The following NEK4 variants were observed in gnomAD, a reference collection of about 807,000 sequenced individuals.
NEK4 encodes the protein NIMA related kinase 4.
Under a neutral mutation model 98.4 loss-of-function variants are expected in NEK4, and 86 were observed. The observed-to-expected ratio is 0.87, with a 90% CI of 0.73 to 1.05. The LOEUF is 1.05. Among genes scored for constraint, NEK4 ranks in the 50% least tolerant of loss-of-function variants. NEK4 has a pLI of 0.00. For missense variants in NEK4, 898 were observed against 950.3 expected (o/e 0.94, Z 0.72); for synonymous variants, 328 against 342.2 (o/e 0.96, Z 0.46).
chr3:52,766,922 C>A (rs1442328711), intron 2 of NEK4, among the ~76,000 whole-genome samples: 1 of 151,898 alleles, frequency 6.6e-6, no homozygotes, highest in African/African-American at 2.4e-5. Flanking sequence ...GGAAGCGGAG[C>A]TTGCAGTGAG....
chr3:52,713,413 A>G (rs2097352191), intron 15 of NEK4, among the ~76,000 whole-genome samples: 1 of 152,196 alleles, frequency 6.6e-6, no homozygotes, highest in South Asian at 2.1e-4. Flanking sequence ...CCTATTCTGC[A>G]CTAACTTTCA....
intron 4 of NEK4, 135 bp from the exon 5 acceptor site, chr3:52,763,759 G>A: frequency 5.2e-6 from 3 of 575,358 alleles, no homozygotes; most frequent in Middle Eastern, 4.9e-4. Context: ...TTAGTCTACA[G>A]GAAGTGTACT....
At chr3:52,711,982 A>C in intron 15 of NEK4, 113 bp from the exon 16 acceptor site, 1 of 601,006 alleles carries the variant, frequency 1.7e-6, no homozygotes, top group South Asian at 2.4e-5. Context: ...ACCATACAGG[A>C]AAATACTAAT....
chr3:52,770,497 A>C (rs1698737760), intron 1 of NEK4, among the ~76,000 whole-genome samples, 157 bp downstream of exon 1: 1 of 149,338 alleles, frequency 6.7e-6, no homozygotes, highest in Non-Finnish European at 1.5e-5. Context: ...CGCATATTAC[A>C]GGGAGGCCAG....
At position 52,752,137 on chromosome 3, in the gene NEK4, G is replaced by A. The variant is rs1321098578; in HGVS notation, c.1163C>T (p.Pro388Leu). 1.2e-6 allele frequency: 2 copies of A among 1,614,076 alleles called. No homozygotes were observed. Among genetic ancestry groups the A allele is most frequent in the East Asian group, 4.5e-5 (2 of 44,880 alleles). Reference sequence around the variant, plus strand: ...CTCATTAGAGGCATCCAAATATCTTGGCTGATTCTCCTGAACAAAGCCATC... The same window carrying A: ...CTCATTAGAGGCATCCAAATATCTTAGCTGATTCTCCTGAACAAAGCCATC... Reference protein sequence around the residue: ...VSDGFVQENQPRYLDASNELG... With the variant: ...VSDGFVQENQLRYLDASNELG... Residue 388 changes from proline to leucine, a missense_variant, in exon 7 of 16, where the codon CCA (proline) becomes CTA (leucine). By Grantham distance (98) the Pro-to-Leu change is moderately conservative. Coordinates refer to ENST00000233027, the MANE Select transcript of NEK4 (RefSeq NM_003157.6).
At position 52,711,990 on chromosome 3, in the gene NEK4, A is replaced by G. The variant is rs559935294; in HGVS notation, c.2434-121T>C. ...GGTGGAAACCATACAGGAAAATACT[A>G]ATAGTTCAGTTTACATAAAACTTTT... On this transcript the variant is annotated intron_variant, in intron 15 of 15. Coordinates refer to ENST00000233027, the MANE Select transcript of NEK4 (RefSeq NM_003157.6). 2.0e-5 allele frequency: 11 copies of G among 561,788 alleles called. No individual in the cohort carries two copies. The South Asian group carries it at 2.8e-4, about 14-fold the overall frequency. The allele number at this position is 561,788 out of a possible 1,614,324, so 34.8% of individuals were successfully genotyped here. A position where few individuals can be genotyped will look rare whatever the true frequency, so the allele number is the denominator to read the frequency against.
intron 15 of NEK4, among the ~76,000 whole-genome samples, chr3:52,728,925 G>A (rs1240332028): frequency 6.6e-6 from 1 of 152,052 alleles, no homozygotes; most frequent in Admixed American, 6.6e-5. Flanking sequence ...GTTAGGGTGG[G>A]GAAAAAACTC....
At chr3:52,770,342 A>G (rs1698729374) in intron 1 of NEK4, among the ~76,000 whole-genome samples, 1 of 151,896 alleles carries the variant, frequency 6.6e-6, no homozygotes, top group African/African-American at 2.4e-5. Context: ...AAAGGTGTGT[A>G]GATCACGCAT....
chr3:52,765,897 A>T lies in NEK4; in HGVS notation c.656T>A (p.Ile219Asn). 6.3e-7 allele frequency: 1 copy of T among 1,594,074 alleles called. No individual in the cohort carries two copies. The highest frequency in any genetic ancestry group is 8.6e-7 in the Non-Finnish European group (1 of 1,162,168). Reference sequence around the variant, plus strand: ...TAGATTATTCTTTACCTTTCCTTCAATAATCCGATAAACTAAAGAATTCAT... The same window carrying T: ...TAGATTATTCTTTACCTTTCCTTCATTAATCCGATAAACTAAAGAATTCAT... The part of the protein sequence containing the change: ...KDMNSLVYRI[I>N]EGKLPPMPRD... Residue 219 changes from isoleucine to asparagine, a missense_variant, in exon 4 of 16, where the codon ATT becomes AAT. Coordinates refer to ENST00000233027, the MANE Select transcript of NEK4 (RefSeq NM_003157.6).
Position 52,711,285 on chromosome 3 carries a change from TA to T in NEK4, c.*491del, listed in dbSNP as rs1438766309. The T allele has an allele frequency of 6.6e-6, 1 of 152,394 alleles. No homozygotes were observed. Among genetic ancestry groups the T allele is most frequent in the Non-Finnish European group, 1.5e-5 (1 of 68,068 alleles). The allele number at this position is 152,394 out of a possible 1,614,324, so 9.4% of individuals were successfully genotyped here. A position where few individuals can be genotyped will look rare whatever the true frequency, so the allele number is the denominator to read the frequency against. ...GATAGAACTTCATATTCTTTAAATC[TA>T]TTTCTAGAACTGAATTGACTTTTTA... On this transcript the variant is annotated 3_prime_UTR_variant, in exon 16 of 16. Coordinates refer to ENST00000233027, the MANE Select transcript of NEK4 (RefSeq NM_003157.6).
intron 15 of NEK4, among the ~76,000 whole-genome samples, chr3:52,726,809 G>GA (rs796643266): frequency 2.0e-5 from 3 of 151,850 alleles, no homozygotes; most frequent in East Asian, 3.9e-4. Context: ...GAAGGCTGAG[G>GA]CAGAGAACTG....
At position 52,739,435 on chromosome 3, in the gene NEK4, G is replaced by T. The variant is rs1185380331; in HGVS notation, c.2293C>A (p.Pro765Thr). 2.5e-6 allele frequency: 4 copies of T among 1,613,294 alleles called. No individual in the cohort carries two copies. In the South Asian group the frequency reaches 3.3e-5, roughly 13 times the overall value. Reference sequence around the variant, plus strand: ...ATAATAATAAGCTGATCACCTGAAGGTAGCTCTTTAAAATGGATTTCCTCT... The same window carrying T: ...ATAATAATAAGCTGATCACCTGAAGTTAGCTCTTTAAAATGGATTTCCTCT... ...EAEEIHFKELPSAIMPGSEKI... is the reference protein window; with the variant it reads ...EAEEIHFKELTSAIMPGSEKI... The change falls in exon 14 of 16, where the codon CCT becomes ACT. Residue 765 changes from proline (P) to threonine (T), a missense_variant. By Grantham distance (38) the Pro-to-Thr change is conservative (BLOSUM62 -1). Transcript: ENST00000233027.
chr3:52,743,607 A>C (rs2097390539), intron 11 of NEK4, 146 bp from the exon 12 acceptor site: 1 of 629,566 alleles, frequency 1.6e-6, no homozygotes, highest in African/African-American at 1.8e-5. Context: ...GGTGTCTGAC[A>C]CCTCAGTTGA....
chr3:52,760,736 G>T, intron 6 of NEK4, 59 bp downstream of exon 6: 1 of 1,171,014 alleles, frequency 8.5e-7, no homozygotes, highest in Non-Finnish European at 1.3e-6. Flanking sequence ...AATTTGCTTA[G>T]ATGGCCCATT....
intron 1 of NEK4, among the ~76,000 whole-genome samples, chr3:52,769,144 G>A (rs1237841125): frequency 6.6e-6 from 1 of 152,070 alleles, no homozygotes; most frequent in Admixed American, 6.6e-5. Context: ...GCTTGAACCT[G>A]GGAGGCAGTA....
chr3:52,734,035 A>C (rs1310672330), intron 15 of NEK4, among the ~76,000 whole-genome samples: 1 of 152,216 alleles, frequency 6.6e-6, no homozygotes, highest in African/African-American at 2.4e-5. Flanking sequence ...TTACAAATGT[A>C]AAGATAATAT....
intron 2 of NEK4, among the ~76,000 whole-genome samples, chr3:52,767,024 C>T (rs976894662): frequency 2.0e-5 from 3 of 151,936 alleles, no homozygotes; most frequent in East Asian, 1.9e-4. Flanking sequence ...ACAGGCCAGG[C>T]GCAGTGTTCA....
At chr3:52,768,665 G>A in intron 1 of NEK4, 61 bp from the exon 2 acceptor site, 1 of 1,509,780 alleles carries the variant, frequency 6.6e-7, no homozygotes, top group Non-Finnish European at 9.1e-7. Flanking sequence ...TGGCCTCAGA[G>A]TTATCTAAGG....
At chr3:52,722,910 A>G (rs1402081233) in intron 15 of NEK4, among the ~76,000 whole-genome samples, 1 of 152,138 alleles carries the variant, frequency 6.6e-6, no homozygotes, top group Non-Finnish European at 1.5e-5. Flanking sequence ...AAAGAAAGTT[A>G]TGTAATTATG....
Sources: gnomAD v4.1 joint callset for allele counts (sites outside exome capture counted in the v4.1 genomes callset) on GRCh38, gnomAD v4.1.1 for gene constraint, MANE v1.5 for transcripts, NCBI Gene and HGNC (gene_info 2026-07-23, HGNC 2026-07-21) for gene names.